WFIKKN1: variants seen among roughly 807,000 people sequenced by gnomAD.
WFIKKN1 encodes the protein WAP, follistatin/kazal, immunoglobulin, kunitz and netrin domain containing 1.
WFIKKN1 carries 6 observed loss-of-function variants against 4.6 expected under a neutral mutation model. The ratio of observed to expected loss-of-function variants is 1.31; its 90% CI spans 0.72 to 2.59. WFIKKN1 has a LOEUF of 2.59. Among genes scored for constraint, WFIKKN1 ranks in the 30% most tolerant of loss-of-function variants. The pLI is 0.00. For synonymous variants in WFIKKN1, 468 were observed against 367.4 expected (o/e 1.27, Z -3.13); for missense variants, 964 against 818.0 (o/e 1.18, Z -2.18).
Position 633,481 on chromosome 16 carries a change from C to G in WFIKKN1, c.1071C>G (p.Asp357Glu). 1 of 1,519,240 alleles carries G rather than the reference C, an allele frequency of 6.6e-7. No homozygotes were observed. The highest frequency in any genetic ancestry group is 1.2e-5 in the South Asian group (1 of 81,060). 94.1% of individuals were successfully genotyped at this position (1,519,240 alleles called of 1,614,324 possible). ...CQQACARGPGDACVLPAVQGP... is the reference protein window; with the variant it reads ...CQQACARGPGEACVLPAVQGP... ...AGGCCTGTGCCCGCGGCCCCGGCGA[C>G]GCCTGCGTGCTGCCTGCCGTGCAGG... The change falls in exon 2 of 2, where the codon GAC (aspartate) becomes GAG (glutamate). Residue 357 changes from aspartate to glutamate, a missense_variant. Physicochemically the swap from Asp to Glu is conservative, Grantham distance 45. Transcript: ENST00000319070.
At position 632,740 on chromosome 16, in the gene WFIKKN1, G is replaced by A. The variant is rs144204927; in HGVS notation, c.330G>A (p.Gly110=). ...GCTCGGACTGCGACATCTGGGACGG[G>A]CAGCCCGTGTGCCGCTGCCGCGACC... is the stretch of plus-strand genomic sequence containing the variant. ...QQGSDCDIWD[G]QPVCRCRDRC... The change falls in exon 2 of 2, where the codon GGG becomes GGA. Residue 110 remains glycine (G), a synonymous_variant. Coordinates refer to ENST00000319070, the MANE Select transcript of WFIKKN1 (RefSeq NM_053284.3). The A allele has an allele frequency of 4.5e-4, 724 of 1,610,286 alleles. 2 individuals carry two copies. Among genetic ancestry groups the A allele is most frequent in the Middle Eastern group, 2.0e-3 (12 of 6,000 alleles).
intron 1 of WFIKKN1, 154 bp downstream of exon 1, chr16:631,578 T>C: frequency 1.1e-6 from 1 of 919,702 alleles, no homozygotes; most frequent in Non-Finnish European, 1.5e-6. Context: ...ATCGTTGCCC[T>C]CATTTGTCTT....
chr16:634,044 G>T lies in WFIKKN1; in HGVS notation c.1634G>T (p.Arg545Leu), dbSNP rs765058624. 6.3e-6 allele frequency: 10 copies of T among 1,582,848 alleles called. No homozygotes were observed. The Admixed American group carries it at 1.2e-4, about 19-fold the overall frequency. Residue 545 changes from arginine (R) to leucine (L), a missense_variant, in exon 2 of 2, where the codon CGC becomes CTC. Arg to Leu is a moderately radical substitution (Grantham distance 102, BLOSUM62 -2). Transcript: ENST00000319070. ...AAGCAGGCCTGCGAGCTGCTCAACC[G>T]CTTCCAGGACTAGCCCCCGCAGGGG... is the stretch of plus-strand genomic sequence containing the variant. ...LEKQACELLN[R>L]FQD
chr16:632,393 G>A (rs183483338), intron 1 of WFIKKN1, 189 bp from the exon 2 acceptor site: 2 of 592,212 alleles, frequency 3.4e-6, no homozygotes, highest in African/African-American at 1.9e-5. Context: ...ATTCTGGAAG[G>A]TAAGCCAGGT....
Position 633,533 on chromosome 16 carries a change from T to C in WFIKKN1, c.1123T>C (p.Trp375Arg). ...QGPCRGWEPRWAYSPLLQQCH... is the reference protein window; with the variant it reads ...QGPCRGWEPRRAYSPLLQQCH... ...CCCCTGCCGGGGCTGGGAGCCGCGC[T>C]GGGCCTACAGCCCGCTGCTGCAGCA... Residue 375 changes from tryptophan (W) to arginine (R), a missense_variant, in exon 2 of 2, where the codon TGG becomes CGG. Coordinates refer to ENST00000319070, the MANE Select transcript of WFIKKN1 (RefSeq NM_053284.3). The C allele has an allele frequency of 6.6e-7, 1 of 1,520,484 alleles. No homozygotes were observed. The highest frequency in any genetic ancestry group is 8.7e-7 in the Non-Finnish European group (1 of 1,143,276). 94.2% of individuals were successfully genotyped at this position (1,520,484 alleles called of 1,614,324 possible). A position where few individuals can be genotyped will look rare whatever the true frequency, so the allele number is the denominator to read the frequency against.
rs751240346 is a variant in WFIKKN1 at position 633,257 on chromosome 16, C to T, written c.847C>T (p.Arg283Ter). 7 of 1,583,134 alleles carry T rather than the reference C, an allele frequency of 4.4e-6. No individual in the cohort carries two copies. In the East Asian group the frequency reaches 1.2e-4, roughly 26 times the overall value. Residue 283 changes from arginine to a stop codon, truncating the protein, a stop_gained, in exon 2 of 2, where the codon CGA becomes TGA. Coordinates refer to ENST00000319070, the MANE Select transcript of WFIKKN1 (RefSeq NM_053284.3). LOFTEE classifies it low-confidence loss of function (END_TRUNC). ...TGACTTCCCACTCTCTGTGGTCCAG[C>T]GAGAGCCGGCCAGGGACGCAGCCCC... ...RADFPLSVVQREPARDAAPSI... is the reference protein window; with the variant it reads ...RADFPLSVVQ
rs141017859 is a variant in WFIKKN1, at chr16:631,279, C to T, written c.26C>T (p.Pro9Leu). 29,992 of 1,585,226 alleles carry T rather than the reference C, an allele frequency of 0.019. 375 individuals are homozygous for T. Among genetic ancestry groups the T allele is most frequent in the Middle Eastern group, 0.034 (190 of 5,588 alleles). ...ATGCCCGCCCTACGTCCACTCCTGC[C>T]GCTCCTGCTCCTCCTCCGGCTGACC... The part of the protein sequence containing the change: MPALRPLL[P>L]LLLLLRLTSG... The change falls in exon 1 of 2, where the codon CCG becomes CTG. Residue 9 changes from proline (P) to leucine (L), a missense_variant. Physicochemically the swap from Pro to Leu is moderately conservative, Grantham distance 98. Transcript: ENST00000319070.
rs1045502266 is a variant in WFIKKN1, at chr16:633,029, T to C, written c.619T>C (p.Cys207Arg). ...GGTTGGGGGTACGGCCAGCCTCCACTGCGACGTCAGCGGCCGCCCGCCGCC... is the reference window on the plus strand; with the variant it reads ...GGTTGGGGGTACGGCCAGCCTCCACCGCGACGTCAGCGGCCGCCCGCCGCC... ...VQVGGTASLH[C>R]DVSGRPPPAV... The change falls in exon 2 of 2, where the codon TGC (cysteine) becomes CGC (arginine). Residue 207 changes from cysteine to arginine, a missense_variant. Physicochemically the swap from Cys to Arg is radical, Grantham distance 180. Transcript: ENST00000319070. 16 of 1,610,104 alleles carry C rather than the reference T, an allele frequency of 9.9e-6. 1 individual carries two copies. The Admixed American group carries it at 1.3e-4, about 13-fold the overall frequency.
rs771429304 is a variant in WFIKKN1, at chr16:633,010, G to C, written c.600G>C (p.Gly200=). The change falls in exon 2 of 2, where the codon GGG becomes GGC. Residue 200 remains glycine (G), a synonymous_variant. Coordinates refer to ENST00000319070, the MANE Select transcript of WFIKKN1 (RefSeq NM_053284.3). ...SSPSPQAVQV[G]GTASLHCDVS... The stretch of plus-strand genomic sequence containing the variant: ...CCTCCCCACAGGCGGTGCAGGTTGG[G>C]GGTACGGCCAGCCTCCACTGCGACG... The C allele has an allele frequency of 1.1e-5, 17 of 1,606,052 alleles. No individual in the cohort carries two copies. The highest frequency in any genetic ancestry group is 1.4e-5 in the Non-Finnish European group (16 of 1,176,270).
At position 633,057 on chromosome 16, in the gene WFIKKN1, C is replaced by T. The variant is rs778645385; in HGVS notation, c.647C>T (p.Ala216Val). The T allele has an allele frequency of 1.2e-5, 20 of 1,611,978 alleles. No individual in the cohort carries two copies. The South Asian group carries it at 2.0e-4, about 16-fold the overall frequency. Residue 216 changes from alanine to valine, a missense_variant, in exon 2 of 2, where the codon GCT becomes GTT. Coordinates refer to ENST00000319070, the MANE Select transcript of WFIKKN1 (RefSeq NM_053284.3). ...GACGTCAGCGGCCGCCCGCCGCCTGCTGTGACCTGGGAGAAGCAGAGTCAC... is the reference window on the plus strand; with the variant it reads ...GACGTCAGCGGCCGCCCGCCGCCTGTTGTGACCTGGGAGAAGCAGAGTCAC... The part of the protein sequence containing the change: ...HCDVSGRPPP[A>V]VTWEKQSHQR...
rs1381667184 is a variant in WFIKKN1, at chr16:633,695, A to G, written c.1285A>G (p.Ser429Gly). Residue 429 changes from serine to glycine, a missense_variant, in exon 2 of 2, where the codon AGC (serine) becomes GGC (glycine). Ser to Gly is a moderately conservative substitution (Grantham distance 56). Transcript: ENST00000319070. ...CCGCCTCCGGAGCAAGCTGGCGCTGAGCCTGTGCCGCAGCGACTTCGCCAT... is the reference window on the plus strand; with the variant it reads ...CCGCCTCCGGAGCAAGCTGGCGCTGGGCCTGTGCCGCAGCGACTTCGCCAT... Reference protein sequence around the residue: ...ACRLRSKLALSLCRSDFAIVG... With the variant: ...ACRLRSKLALGLCRSDFAIVG... 1 of 1,584,246 alleles carries G rather than the reference A, an allele frequency of 6.3e-7. No homozygotes were observed. Among genetic ancestry groups the G allele is most frequent in the African/African-American group, 1.3e-5 (1 of 74,232 alleles).
rs1020620782 is a variant in WFIKKN1 at position 632,959 on chromosome 16, C to T, written c.549C>T (p.Pro183=). ...CCCGCCCCACACCTGGGGCCGCGCC[C>T]GTGCCTCCTGCCCTGTACAGCAGCC... is the stretch of plus-strand genomic sequence containing the variant. ...TTARPTPGAA[P]VPPALYSSPS... The change falls in exon 2 of 2, where the codon CCC becomes CCT. Residue 183 remains proline, a synonymous_variant. Coordinates refer to ENST00000319070, the MANE Select transcript of WFIKKN1 (RefSeq NM_053284.3). The T allele has an allele frequency of 1.0e-5, 16 of 1,566,498 alleles. No individual in the cohort carries two copies. The highest frequency in any genetic ancestry group is 2.3e-5 in the East Asian group (1 of 43,922).
rs778156475 is a variant in WFIKKN1 at position 632,853 on chromosome 16, G to A, written c.443G>A (p.Arg148Gln). ...RCYMDAEACL[R>Q]GLHLHIVPCK... The stretch of plus-strand genomic sequence containing the variant: ...TATATGGACGCCGAGGCCTGCCTGC[G>A]GGGCCTGCACCTCCACATCGTGCCC... Residue 148 changes from arginine to glutamine, a missense_variant, in exon 2 of 2, where the codon CGG (arginine) becomes CAG (glutamine). Coordinates refer to ENST00000319070, the MANE Select transcript of WFIKKN1 (RefSeq NM_053284.3). The A allele has an allele frequency of 3.7e-5, 59 of 1,573,720 alleles. No individual in the cohort carries two copies. The highest frequency in any genetic ancestry group is 1.5e-4 in the South Asian group (13 of 85,786).
At position 631,359 on chromosome 16, in the gene WFIKKN1, C is replaced by T; in HGVS notation, c.106C>T (p.Gln36Ter). The T allele has an allele frequency of 6.2e-7, 1 of 1,608,592 alleles. No homozygotes were observed. The highest frequency in any genetic ancestry group is 8.5e-7 in the Non-Finnish European group (1 of 1,179,476). The change falls in exon 1 of 2, where the codon CAG becomes TAG. Residue 36 changes from glutamine (Q) to a stop codon, truncating the protein, a stop_gained. Transcript: ENST00000319070. LOFTEE classifies it high-confidence loss of function. ...LGSHPGVCPN[Q>*]LSPNLWVDAQ... ...GAGCCACCCGGGCGTGTGCCCCAAC[C>T]AGCTCAGCCCCAACCTGTGGGTGGA...
In WFIKKN1 at chr16:633,988, G is replaced by A. The variant is rs754853627; in HGVS notation, c.1578G>A (p.Lys526=). 8.1e-6 allele frequency: 13 copies of A among 1,603,126 alleles called. No homozygotes were observed. The highest frequency in any genetic ancestry group is 1.1e-5 in the South Asian group (1 of 89,620). ...GCTACGTCCGCGCCGCCAGCGAGAAGCGCGTCAAGAAGATCTTGGAGCTGC... is the reference window on the plus strand; with the variant it reads ...GCTACGTCCGCGCCGCCAGCGAGAAACGCGTCAAGAAGATCTTGGAGCTGC... The part of the protein sequence containing the change: ...AGSYVRAASE[K]RVKKILELLE... Residue 526 remains lysine, a synonymous_variant, in exon 2 of 2, where the codon AAG becomes AAA. Coordinates refer to ENST00000319070, the MANE Select transcript of WFIKKN1 (RefSeq NM_053284.3).
rs1441439422 is a variant in WFIKKN1, at chr16:633,378, G to A, written c.968G>A (p.Arg323Gln). 5.7e-6 allele frequency: 9 copies of A among 1,566,420 alleles called. No individual in the cohort carries two copies. The highest frequency in any genetic ancestry group is 5.4e-5 in the Admixed American group (3 of 55,294). The change falls in exon 2 of 2, where the codon CGG becomes CAG. Residue 323 changes from arginine (R) to glutamine (Q), a missense_variant. Transcript: ENST00000319070. Reference sequence around the variant, plus strand: ...GTCCTCTGGCACTACGACCCGCAGCGGGGCGGCTGCATGACCTTCCCGGCC... The same window carrying A: ...GTCCTCTGGCACTACGACCCGCAGCAGGGCGGCTGCATGACCTTCCCGGCC... ...HLVLWHYDPQ[R>Q]GGCMTFPARG... is the part of the protein sequence containing the mutation.
rs1344154639 is a variant in WFIKKN1, at chr16:633,957, C to G, written c.1547C>G (p.Ala516Gly). 1.9e-6 allele frequency: 3 copies of G among 1,597,030 alleles called. No homozygotes were observed. Among genetic ancestry groups the G allele is most frequent in the Non-Finnish European group, 2.6e-6 (3 of 1,172,712 alleles). ...CGCGATGGCGTGGCCGTGCTGGACG[C>G]CGGCAGCTACGTCCGCGCCGCCAGC... ...EVRDGVAVLD[A>G]GSYVRAASEK... is the part of the protein sequence containing the mutation. The change falls in exon 2 of 2, where the codon GCC becomes GGC. Residue 516 changes from alanine (A) to glycine (G), a missense_variant. Coordinates refer to ENST00000319070, the MANE Select transcript of WFIKKN1 (RefSeq NM_053284.3).
In WFIKKN1 at chr16:633,051, C is replaced by A; in HGVS notation, c.641C>A (p.Pro214Gln). The change falls in exon 2 of 2, where the codon CCG (proline) becomes CAG (glutamine). Residue 214 changes from proline (P) to glutamine (Q), a missense_variant. Pro to Gln is a moderately conservative substitution (Grantham distance 76, BLOSUM62 -1). Transcript: ENST00000319070. ...SLHCDVSGRP[P>Q]PAVTWEKQSH... ...CACTGCGACGTCAGCGGCCGCCCGC[C>A]GCCTGCTGTGACCTGGGAGAAGCAG... is the stretch of plus-strand genomic sequence containing the variant. 6.2e-7 allele frequency: 1 copy of A among 1,611,968 alleles called. No homozygotes were observed. Among genetic ancestry groups the A allele is most frequent in the South Asian group, 1.1e-5 (1 of 91,010 alleles).
Position 631,306 on chromosome 16 carries a change from C to A in WFIKKN1, c.53C>A (p.Ser18Ter). 6.3e-7 allele frequency: 1 copy of A among 1,599,726 alleles called. No individual in the cohort carries two copies. Among genetic ancestry groups the A allele is most frequent in the Non-Finnish European group, 8.5e-7 (1 of 1,178,516 alleles). Residue 18 changes from serine to a stop codon, truncating the protein, a stop_gained, in exon 1 of 2, where the codon TCG becomes TAG. Transcript: ENST00000319070. LOFTEE classifies it high-confidence loss of function. ...CTCCTGCTCCTCCTCCGGCTGACCTCGGGGGCTGGCTTGCTGCCAGGGCTG... is the reference window on the plus strand; with the variant it reads ...CTCCTGCTCCTCCTCCGGCTGACCTAGGGGGCTGGCTTGCTGCCAGGGCTG... ...LPLLLLLRLTSGAGLLPGLGS... is the reference protein window; with the variant it reads ...LPLLLLLRLT
Sources: allele counts gnomAD v4.1 joint callset, GRCh38; gene constraint gnomAD v4.1.1; transcripts MANE v1.5; gene names NCBI Gene and HGNC (gene_info 2026-07-23, HGNC 2026-07-21).